KIRREL3: variants seen among roughly 807,000 people sequenced by gnomAD.
The protein encoded by KIRREL3 is kin of IRRE-like protein 3.
KIRREL3 carries 36 observed loss-of-function variants against 89.7 expected under a neutral mutation model. That is an observed-to-expected ratio of 0.40 (90% confidence interval 0.31 to 0.53). The LOEUF (loss-of-function observed/expected upper bound fraction) is 0.53. KIRREL3 is among the 20% of genes least tolerant of loss of function. The pLI is 0.49. For missense variants in KIRREL3, 864 were observed against 1,056.6 expected (o/e 0.82, Z 2.53); for synonymous variants, 445 against 441.4 (o/e 1.01, Z -0.10).
In KIRREL3 at chr11:126,443,614, T is replaced by G; in HGVS notation, c.1252+1365A>C. 1.4e-5 allele frequency among the ~76,000 whole-genome samples: 2 copies of G among 147,298 alleles called. No individual in the cohort carries two copies. Among genetic ancestry groups the G allele is most frequent in the African/African-American group, 2.5e-5 (1 of 39,630 alleles). The stretch of plus-strand genomic sequence containing the variant: ...AGAGGAATGGAAATGCGGGGCAGTG[T>G]GGGGGGAGCTGGTGAATGGAGACAG... On this transcript the variant is annotated intron_variant, in intron 10 of 16. Coordinates refer to ENST00000525144, the MANE Select transcript of KIRREL3 (RefSeq NM_032531.4). This position sits in a 1 kb window ranked among gnomAD's most constrained non-coding sequence, Gnocchi z 7.3.
rs544141295 is a variant in KIRREL3, at chr11:126,977,230, A to G, written c.55+23225T>C. On this transcript the variant is annotated intron_variant, in intron 1 of 16. Transcript: ENST00000525144. This position sits in a 1 kb window ranked among gnomAD's most constrained non-coding sequence, Gnocchi z 4.7. ...AGGTGCCCCGCCTGCCATCTTTTGT[A>G]CCTTTTTTTCAAAACTGAGCTCCTT... Among the ~76,000 whole-genome samples the G allele has an allele frequency of 4.1e-3, 621 of 150,186 alleles. 1 individual carries two copies. Among genetic ancestry groups the G allele is most frequent in the Non-Finnish European group, 6.9e-3 (467 of 67,454 alleles).
At chr11:126,894,293 A>T (rs891223482) in intron 1 of KIRREL3, among the ~76,000 whole-genome samples, 1 of 152,128 alleles carries the variant, frequency 6.6e-6, no homozygotes, top group Non-Finnish European at 1.5e-5. Context: ...TAGTCCAGGC[A>T]TTGTGTTAGG....
rs528606812 is a variant in KIRREL3, at chr11:126,430,754, C to T, written c.1696+665G>A. 1.3e-5 allele frequency among the ~76,000 whole-genome samples: 2 copies of T among 152,278 alleles called. No individual in the cohort carries two copies. Among genetic ancestry groups the T allele is most frequent in the South Asian group, 4.1e-4 (2 of 4,824 alleles). The stretch of plus-strand genomic sequence containing the variant: ...CATATCCTCATTATAAATGAGGAGA[C>T]AGGCCTGGAATAACTGTGGCTGGCC... On this transcript the variant is annotated intron_variant, in intron 14 of 16. Transcript: ENST00000525144. The surrounding 1 kb of genome is among the most constrained non-coding windows in gnomAD (Gnocchi z 6.6).
chr11:126,671,565 A>G (rs1248741273), intron 1 of KIRREL3, among the ~76,000 whole-genome samples: 1 of 152,238 alleles, frequency 6.6e-6, no homozygotes, highest in African/African-American at 2.4e-5. Context: ...TATACCAAGA[A>G]TCCTGAAAAC....
At chr11:126,824,822 C>T (rs1943349734) in intron 1 of KIRREL3, among the ~76,000 whole-genome samples, 1 of 152,174 alleles carries the variant, frequency 6.6e-6, no homozygotes, top group Non-Finnish European at 1.5e-5. Flanking sequence ...ACTTAGAGTT[C>T]TGTCTTTTGT....
rs1217566230 is a variant in KIRREL3, at chr11:126,423,689, C to A, written c.*891G>T. On this transcript the variant is annotated 3_prime_UTR_variant, in exon 17 of 17. Coordinates refer to ENST00000525144, the MANE Select transcript of KIRREL3 (RefSeq NM_032531.4). ...CAAACGCCACACTTCCCAGGAAGCA[C>A]TCTCTCCATAAGTGTTCAGAGAACC... is the stretch of plus-strand genomic sequence containing the variant. The A allele has an allele frequency of 6.6e-6, 1 of 152,244 alleles. No homozygotes were observed. Among genetic ancestry groups the A allele is most frequent in the Non-Finnish European group, 1.5e-5 (1 of 68,066 alleles). The allele number at this position is 152,244 out of a possible 1,614,324, so 9.4% of individuals were successfully genotyped here.
intron 1 of KIRREL3, among the ~76,000 whole-genome samples, chr11:126,621,407 A>G (rs1943569449): frequency 6.6e-6 from 1 of 152,208 alleles, no homozygotes; most frequent in Non-Finnish European, 1.5e-5. Context: ...TGTGAAGTGG[A>G]AGAATGTTCT....
intron 1 of KIRREL3, among the ~76,000 whole-genome samples, chr11:126,862,640 T>C (rs1293900671): frequency 6.6e-6 from 1 of 152,062 alleles, no homozygotes; most frequent in Non-Finnish European, 1.5e-5. Flanking sequence ...ACAGAGCGAG[T>C]GTTGCACCAG....
intron 1 of KIRREL3, among the ~76,000 whole-genome samples, chr11:126,835,303 G>C (rs1294606439): frequency 6.6e-6 from 1 of 152,198 alleles, no homozygotes; most frequent in Non-Finnish European, 1.5e-5. Context: ...CCTTGTGGAT[G>C]CTAAGGTATA....
In KIRREL3 at chr11:126,689,117, T is replaced by A. The variant is rs1946783013; in HGVS notation, c.56-126205A>T. Reference sequence around the variant, plus strand: ...AACGTATTGAGCATGAGCTGCCTGATCTTTGCCAGGTGATAAACTGGCCCA... The same window carrying A: ...AACGTATTGAGCATGAGCTGCCTGAACTTTGCCAGGTGATAAACTGGCCCA... On this transcript the variant is annotated intron_variant, in intron 1 of 16. Coordinates refer to ENST00000525144, the MANE Select transcript of KIRREL3 (RefSeq NM_032531.4). This position sits in a 1 kb window ranked among gnomAD's most constrained non-coding sequence, Gnocchi z 5.2. Among the ~76,000 whole-genome samples, 1 of 151,508 alleles carries A rather than the reference T, an allele frequency of 6.6e-6. No homozygotes were observed. The highest frequency in any genetic ancestry group is 1.5e-5 in the Non-Finnish European group (1 of 67,924).
chr11:126,887,673 C>T (rs905266863), intron 1 of KIRREL3, among the ~76,000 whole-genome samples: 2 of 152,208 alleles, frequency 1.3e-5, no homozygotes, highest in South Asian at 2.1e-4. Flanking sequence ...ACACACATGG[C>T]TGAAATAATG....
rs1033728795 is a variant in KIRREL3 at position 126,492,985 on chromosome 11, G to A, written c.434-19519C>T. ...ACCCAAAAGGCCGTAGAACAGCCTC[G>A]GTGCTGCGGCTAACTGACAGGGGGC... On this transcript the variant is annotated intron_variant, in intron 4 of 16. Transcript: ENST00000525144. This position sits in a 1 kb window ranked among gnomAD's most constrained non-coding sequence, Gnocchi z 4.8. Among the ~76,000 whole-genome samples, 6 of 152,210 alleles carry A rather than the reference G, an allele frequency of 3.9e-5. No homozygotes were observed. Among genetic ancestry groups the A allele is most frequent in the African/African-American group, 7.2e-5 (3 of 41,448 alleles).
intron 1 of KIRREL3, among the ~76,000 whole-genome samples, chr11:126,927,228 G>GCA (rs35347795): frequency 7.3e-5 from 11 of 151,352 alleles, no homozygotes; most frequent in Non-Finnish European, 1.5e-4. Flanking sequence ...TGGGGAGTAA[G>GCA]CACACACACA....
In KIRREL3 at chr11:126,652,292, T is replaced by C. The variant is rs746424109; in HGVS notation, c.56-89380A>G. On this transcript the variant is annotated intron_variant, in intron 1 of 16. Transcript: ENST00000525144. The surrounding 1 kb of genome is among the most constrained non-coding windows in gnomAD (Gnocchi z 4.9). ...ACTGGCCAAAAAGCCCGGGTTGGGGTCTCTGTGGGTTGATGGATATAAACC... is the reference window on the plus strand; with the variant it reads ...ACTGGCCAAAAAGCCCGGGTTGGGGCCTCTGTGGGTTGATGGATATAAACC... Among the ~76,000 whole-genome samples the C allele has an allele frequency of 6.6e-6, 1 of 151,976 alleles. No individual in the cohort carries two copies. The highest frequency in any genetic ancestry group is 1.5e-5 in the Non-Finnish European group (1 of 68,002).
In KIRREL3 at chr11:126,943,020, A is replaced by G. The variant is rs1948506544; in HGVS notation, c.55+57435T>C. ...TGACTGTGGAGAGGAACATTAAAAG[A>G]TTTTATTCTAAGATATTCCCTCCAA... is the stretch of plus-strand genomic sequence containing the variant. On this transcript the variant is annotated intron_variant, in intron 1 of 16. Coordinates refer to ENST00000525144, the MANE Select transcript of KIRREL3 (RefSeq NM_032531.4). The surrounding 1 kb of genome is among the most constrained non-coding windows in gnomAD (Gnocchi z 4.2). Among the ~76,000 whole-genome samples the G allele has an allele frequency of 6.6e-6, 1 of 152,238 alleles. No homozygotes were observed. The highest frequency in any genetic ancestry group is 2.4e-5 in the African/African-American group (1 of 41,462).
chr11:126,786,864 G>A (rs1307345296), intron 1 of KIRREL3, among the ~76,000 whole-genome samples: 1 of 152,162 alleles, frequency 6.6e-6, no homozygotes, highest in Non-Finnish European at 1.5e-5. Context: ...GAAGCTACTG[G>A]CCAGGCCGTT....
chr11:126,836,371 A>T (rs1049751277), intron 1 of KIRREL3, among the ~76,000 whole-genome samples: 12 of 152,130 alleles, frequency 7.9e-5, no homozygotes, highest in Non-Finnish European at 1.8e-4. Flanking sequence ...ATAAATCCTG[A>T]CTCCAATGAA....
In KIRREL3 at chr11:126,715,315, G is replaced by C. The variant is rs1315536512; in HGVS notation, c.56-152403C>G. Among the ~76,000 whole-genome samples the C allele has an allele frequency of 6.6e-6, 1 of 152,160 alleles. No homozygotes were observed. Among genetic ancestry groups the C allele is most frequent in the Non-Finnish European group, 1.5e-5 (1 of 68,026 alleles). On this transcript the variant is annotated intron_variant, in intron 1 of 16. Transcript: ENST00000525144. This position sits in a 1 kb window ranked among gnomAD's most constrained non-coding sequence, Gnocchi z 4.4. ...TTCCTTCCTTTCAGATCTTCCCAAAGATCTCAGTGCACAACCAGGGCTGGT... is the reference window on the plus strand; with the variant it reads ...TTCCTTCCTTTCAGATCTTCCCAAACATCTCAGTGCACAACCAGGGCTGGT...
rs1005236235 is a variant in KIRREL3 at position 126,609,380 on chromosome 11, G to T, written c.56-46468C>A. On this transcript the variant is annotated intron_variant, in intron 1 of 16. Coordinates refer to ENST00000525144, the MANE Select transcript of KIRREL3 (RefSeq NM_032531.4). This position sits in a 1 kb window ranked among gnomAD's most constrained non-coding sequence, Gnocchi z 5.0. ...CATCTATTATTTATGATTTCCTTTCGTCTCTCCTGAGTATGACAACTGTGG... is the reference window on the plus strand; with the variant it reads ...CATCTATTATTTATGATTTCCTTTCTTCTCTCCTGAGTATGACAACTGTGG... Among the ~76,000 whole-genome samples, 2 of 152,094 alleles carry T rather than the reference G, an allele frequency of 1.3e-5. No individual in the cohort carries two copies. The highest frequency in any genetic ancestry group is 2.9e-5 in the Non-Finnish European group (2 of 68,034).
Sources: allele counts gnomAD v4.1 joint callset (sites outside exome capture counted in the v4.1 genomes callset), GRCh38; gene constraint gnomAD v4.1.1; non-coding constraint Gnocchi (gnomAD v3.1); transcripts MANE v1.5; gene names NCBI Gene and HGNC (gene_info 2026-07-23, HGNC 2026-07-21).